Variants in MASP1 observed in about 807,000 individuals in gnomAD.
MASP1 encodes the protein mannan-binding lectin serine protease 1.
Under a neutral mutation model 77.1 loss-of-function variants are expected in MASP1, and 59 were observed. The observed-to-expected ratio is 0.77, with a 90% confidence interval of 0.62 to 0.95. The LOEUF is 0.95. MASP1 is among the 40% of genes least tolerant of loss of function. The probability of loss-of-function intolerance (pLI) is 0.00; values close to 1 mark genes in which losing one functional copy is unlikely to be tolerated. For missense variants in MASP1, 885 were observed against 912.9 expected (o/e 0.97, Z 0.39); for synonymous variants, 362 against 354.5 (o/e 1.02, Z -0.24).
chr3:187,232,359 T>C (rs566001687), downstream of MASP1, among the ~76,000 whole-genome samples: 2 of 152,062 alleles, frequency 1.3e-5, no homozygotes, highest in East Asian at 1.9e-4. Flanking sequence ...CTCTATGCCA[T>C]CATACTACCC....
chr3:187,247,259 G>A, intron 8 of MASP1: 1 of 1,613,044 alleles, frequency 6.2e-7, no homozygotes, highest in South Asian at 1.1e-5. Flanking sequence ...GGGGAGGGGT[G>A]GTGCAGCTCT....
At chr3:187,234,066 A>G, downstream of MASP1, 1 of 1,227,162 alleles carries the variant, frequency 8.1e-7, no homozygotes, top group Non-Finnish European at 1.0e-6. Flanking sequence ...CAATAACAAA[A>G]CCCATAAGCC....
At chr3:187,243,991 A>C in intron 8 of MASP1, 1 of 290,408 alleles carries the variant, frequency 3.4e-6, no homozygotes, top group South Asian at 4.4e-5. Flanking sequence ...TCTGCCCAAG[A>C]ATGAAGCCCT....
chr3:187,275,061 C>T (rs1394690078), intron 2 of MASP1, among the ~76,000 whole-genome samples: 4 of 152,160 alleles, frequency 2.6e-5, no homozygotes, highest in African/African-American at 9.7e-5. Context: ...CAGACTCCCC[C>T]ACCTCACCCC....
chr3:187,249,170 G>A (rs565639394), intron 8 of MASP1, among the ~76,000 whole-genome samples: 3 of 152,282 alleles, frequency 2.0e-5, no homozygotes, highest in Non-Finnish European at 4.4e-5. Context: ...CAATTCTCCC[G>A]CCTCAGCCTC....
intron 5 of MASP1, chr3:187,256,457 G>A: frequency 1.6e-6 from 1 of 620,666 alleles, no homozygotes; most frequent in Non-Finnish European, 2.9e-6. Context: ...AGCCACCCTA[G>A]TGGCCAGTGG....
intron 2 of MASP1, among the ~76,000 whole-genome samples, chr3:187,280,952 T>A (rs561340808): frequency 6.6e-6 from 1 of 152,196 alleles, no homozygotes; most frequent in South Asian, 2.1e-4. Flanking sequence ...TTTAACCGTT[T>A]GTATTTGAAA....
intron 8 of MASP1, chr3:187,247,025 C>A (rs1714139944): frequency 1.5e-6 from 2 of 1,295,764 alleles, no homozygotes; most frequent in Admixed American, 3.6e-5. Flanking sequence ...TCTCAAGGAC[C>A]AAGGGCATTT....
rs143051861 is a variant in MASP1 at position 187,265,695 on chromosome 3, G to T, written c.238-2975C>A. Among the ~76,000 whole-genome samples, 73 of 152,314 alleles carry T rather than the reference G, an allele frequency of 4.8e-4. No homozygotes were observed. In the East Asian group the frequency reaches 0.013, roughly 27 times the overall value. ...AGAGAGGGGAAGTGACTTGCTCAAGGCTGGAGAGATAACATGAACATTTTC... is the reference window on the plus strand; with the variant it reads ...AGAGAGGGGAAGTGACTTGCTCAAGTCTGGAGAGATAACATGAACATTTTC... On this transcript the variant is annotated intron_variant, in intron 2 of 10. Coordinates refer to ENST00000296280, the MANE Select transcript of MASP1 (RefSeq NM_139125.4).
chr3:187,252,021 C>T (rs1023491753), intron 6 of MASP1, among the ~76,000 whole-genome samples: 3 of 152,178 alleles, frequency 2.0e-5, no homozygotes, highest in African/African-American at 7.2e-5. Flanking sequence ...TGTTAAATGT[C>T]ATTAAATCCA....
intron 10 of MASP1, among the ~76,000 whole-genome samples, chr3:187,237,102 T>G (rs1290948059): frequency 6.6e-6 from 1 of 152,218 alleles, no homozygotes; most frequent in Non-Finnish European, 1.5e-5. Context: ...GGCTTTTCTC[T>G]TCCATTTCCC....
intron 1 of MASP1, among the ~76,000 whole-genome samples, chr3:187,289,674 C>T (rs1405329333): frequency 6.6e-6 from 1 of 152,186 alleles, no homozygotes; most frequent in South Asian, 2.1e-4. Flanking sequence ...ACAGATCATT[C>T]CGACGTACAG....
At chr3:187,290,516 G>C (rs1718222602) in intron 1 of MASP1, among the ~76,000 whole-genome samples, 2 of 152,098 alleles carry the variant, frequency 1.3e-5, no homozygotes, top group Admixed American at 1.3e-4. Flanking sequence ...GATGTTTAAT[G>C]GCAGGTTTAA....
chr3:187,251,890 C>T (rs1011156966), intron 6 of MASP1, 138 bp from the exon 7 acceptor site: 4 of 726,894 alleles, frequency 5.5e-6, no homozygotes, highest in African/African-American at 1.7e-5. Context: ...CTTCCAAGCC[C>T]TGCAAGAGAC....
At chr3:187,222,901 A>T (rs1032592109) in intron 14 of MASP1, among the ~76,000 whole-genome samples, 3 of 152,164 alleles carry the variant, frequency 2.0e-5, no homozygotes, top group Non-Finnish European at 2.9e-5. Context: ...GCTACCAGAA[A>T]AACTTAACCG....
At chr3:187,218,831 G>A (rs1711879732) in exon 16 of MASP1, 1 of 152,210 alleles carries the variant, frequency 6.6e-6, no homozygotes, top group Non-Finnish European at 1.5e-5. Context: ...CATTTTGCTT[G>A]GAAAACACTT....
rs145022142 is a variant in MASP1 at position 187,273,951 on chromosome 3, T to C, written c.238-11231A>G. Among the ~76,000 whole-genome samples the C allele has an allele frequency of 4.2e-3, 637 of 152,344 alleles. 1 individual carries two copies. Among genetic ancestry groups the C allele is most frequent in the Non-Finnish European group, 7.0e-3 (475 of 68,034 alleles). ...TCAGCCAGGCACCTTGGCCCATGCC[T>C]GTAATCCCTGCATTTTGGGAGGCCG... is the stretch of plus-strand genomic sequence containing the variant. On this transcript the variant is annotated intron_variant, in intron 2 of 10. Transcript: ENST00000296280.
At chr3:187,249,035 C>T (rs3774276) in intron 8 of MASP1, among the ~76,000 whole-genome samples, 17,215 of 152,108 alleles carry the variant, frequency 0.11, 1,229 homozygotes, top group East Asian at 0.25. Context: ...GTGGGACCAA[C>T]TCTAATTCGT....
chr3:187,226,954 C>T (rs917109809), intron 11 of MASP1, among the ~76,000 whole-genome samples: 1 of 152,188 alleles, frequency 6.6e-6, no homozygotes, highest in Non-Finnish European at 1.5e-5. Flanking sequence ...GCCGGCCCCA[C>T]CTCTGATCCA....
Sources: allele counts gnomAD v4.1 joint callset (sites outside exome capture counted in the v4.1 genomes callset), GRCh38; gene constraint gnomAD v4.1.1; transcripts MANE v1.5; gene names NCBI Gene and HGNC (gene_info 2026-07-23, HGNC 2026-07-21).